The following LPIN1 variants were observed in gnomAD, a reference collection of about 807,000 sequenced individuals.
LPIN1 encodes lipin 1, also known as phosphatidate phosphatase LPIN1.
Under a neutral mutation model 107.5 loss-of-function variants are expected in LPIN1, and 71 were observed. That is an observed-to-expected ratio of 0.66 (90% CI 0.55 to 0.80). LPIN1 has a LOEUF of 0.80. Ranked by LOEUF, LPIN1 falls within the 30% of genes least tolerant of loss-of-function variation. The pLI, the probability that LPIN1 is intolerant of heterozygous loss-of-function variation, is 0.00. For missense variants in LPIN1, 1,043 were observed against 1,160.6 expected (o/e 0.90, Z 1.47); for synonymous variants, 445 against 452.6 (o/e 0.98, Z 0.21).
intron 1 of LPIN1, among the ~76,000 whole-genome samples, chr2:11,753,389 G>C (rs777181175): frequency 3.3e-5 from 5 of 152,196 alleles, no homozygotes; most frequent in South Asian, 2.1e-4. Context: ...CACGAACCCT[G>C]GCATGCCAAG....
At chr2:11,734,878 C>CA (rs987250314) in intron 1 of LPIN1, among the ~76,000 whole-genome samples, 8 of 151,920 alleles carry the variant, frequency 5.3e-5, no homozygotes, top group African/African-American at 1.9e-4. Context: ...AGAGAGAATG[C>CA]AAAAAAATTT....
chr2:11,767,945 AGTAATACCGGCCGTGGCTGT>A, intron 3 of LPIN1, 87 bp downstream of exon 3: 1 of 874,204 alleles, frequency 1.1e-6, no homozygotes, highest in South Asian at 1.3e-5. Context: ...GTTTGTGCAA[AGTAATACCGGCCGTGGCTGT>A]GTGGACGATG....
At chr2:11,815,058 C>T in intron 17 of LPIN1, 30 bp from the exon 18 acceptor site, 1 of 1,610,352 alleles carries the variant, frequency 6.2e-7, no homozygotes, top group African/African-American at 1.3e-5. Context: ...TTTCTGATGC[C>T]ATGAAATGTG....
Position 11,707,708 on chromosome 2 carries a change from G to A in LPIN1, c.82-6048G>A, listed in dbSNP as rs544423478. Among the ~76,000 whole-genome samples the A allele has an allele frequency of 3.3e-5, 5 of 152,274 alleles. No homozygotes were observed. The highest frequency in any genetic ancestry group is 1.2e-4 in the African/African-American group (5 of 41,562). The stretch of plus-strand genomic sequence containing the variant: ...GAGCTGCAGGATTTGCTTGTGACTG[G>A]ATGTGGCTTGGGAGGGGAGAAAGGG... On this transcript the variant is annotated intron_variant, in intron 1 of 21. Transcript: ENST00000449576. The surrounding 1 kb of genome is among the most constrained non-coding windows in gnomAD (Gnocchi z 4.2).
chr2:11,798,543 T>C (rs1677127905), intron 14 of LPIN1, among the ~76,000 whole-genome samples: 1 of 152,186 alleles, frequency 6.6e-6, no homozygotes. Flanking sequence ...GATACAATCA[T>C]ATTCAAATGG....
intron 2 of LPIN1, among the ~76,000 whole-genome samples, chr2:11,714,626 C>A (rs1156428177): frequency 6.6e-6 from 1 of 152,168 alleles, no homozygotes; most frequent in East Asian, 1.9e-4. Context: ...CAGATCTTAC[C>A]CCTGAGATGC....
chr2:11,713,510 A>G (rs1424319027), intron 1 of LPIN1, among the ~76,000 whole-genome samples: 2 of 152,182 alleles, frequency 1.3e-5, no homozygotes, highest in African/African-American at 2.4e-5. Flanking sequence ...ACCTCAGGTG[A>G]TCTGCCTGCT....
At chr2:11,776,004 A>G in intron 5 of LPIN1, 82 bp from the exon 6 acceptor site, 1 of 554,336 alleles carries the variant, frequency 1.8e-6, no homozygotes, top group Non-Finnish European at 3.3e-6. Flanking sequence ...AGTATATTAC[A>G]TATACTTTAT....
chr2:11,708,960 T>C (rs1663268465), intron 1 of LPIN1, among the ~76,000 whole-genome samples: 1 of 152,146 alleles, frequency 6.6e-6, no homozygotes, highest in Non-Finnish European at 1.5e-5. Context: ...GTTCCCCTTT[T>C]ATAGAGGGGA....
intron 1 of LPIN1, among the ~76,000 whole-genome samples, chr2:11,735,491 C>G (rs1003645594): frequency 3.9e-5 from 6 of 152,174 alleles, no homozygotes; most frequent in African/African-American, 1.4e-4. Context: ...TTGACAATAA[C>G]TCTCCTAAGT....
upstream of LPIN1, among the ~76,000 whole-genome samples, chr2:11,743,854 T>C (rs4669778): frequency 0.53 from 80,354 of 151,988 alleles, 22,765 homozygotes; most frequent in African/African-American, 0.74. This position sits in a 1 kb window ranked among gnomAD's most constrained non-coding sequence, Gnocchi z 4.7. Flanking sequence ...TGGGCCTGTG[T>C]AGGTGGTTGA....
chr2:11,747,637 A>G (rs1359883743), intron 1 of LPIN1, among the ~76,000 whole-genome samples: 1 of 152,072 alleles, frequency 6.6e-6, no homozygotes, highest in Non-Finnish European at 1.5e-5. Flanking sequence ...TGTGAGATTG[A>G]CTGTTTATCC....
intron 1 of LPIN1, among the ~76,000 whole-genome samples, chr2:11,733,501 T>TCTCTCTC (rs1665475034): frequency 1.4e-5 from 2 of 145,290 alleles, no homozygotes; most frequent in African/African-American, 5.1e-5. Context: ...CTCTCTCTCT[T>TCTCTCTC]TTTTTTTTTT....
At position 11,786,002 on chromosome 2, in the gene LPIN1, C is replaced by T. The variant is rs1341379253; in HGVS notation, c.1549+926C>T. Among the ~76,000 whole-genome samples the T allele has an allele frequency of 2.6e-5, 4 of 152,140 alleles. No homozygotes were observed. Among genetic ancestry groups the T allele is most frequent in the Non-Finnish European group, 5.9e-5 (4 of 68,034 alleles). On this transcript the variant is annotated intron_variant, in intron 10 of 20. Transcript: ENST00000674199. The surrounding 1 kb of genome is among the most constrained non-coding windows in gnomAD (Gnocchi z 4.1). The stretch of plus-strand genomic sequence containing the variant: ...CTGTGTTTCTGAAGTCATGGGGGCT[C>T]TCTGGACACTGGCGTGAGGAGTCCC...
chr2:11,705,954 G>T (rs1663105039), intron 1 of LPIN1, among the ~76,000 whole-genome samples: 1 of 152,088 alleles, frequency 6.6e-6, no homozygotes, highest in African/African-American at 2.4e-5. Flanking sequence ...ATGGGGGCAG[G>T]TCTTTCCTGC....
intron 8 of LPIN1, among the ~76,000 whole-genome samples, chr2:11,782,893 T>A (rs1352759497): frequency 6.6e-6 from 1 of 152,228 alleles, no homozygotes; most frequent in African/African-American, 2.4e-5. Context: ...CACTGTAATT[T>A]CTGCATATCA....
chr2:11,688,629 G>C, intron 1 of LPIN1, among the ~76,000 whole-genome samples: 1 of 152,246 alleles, frequency 6.6e-6, no homozygotes, highest in East Asian at 1.9e-4. Context: ...ACCCGGGACA[G>C]GACGCACCGG....
chr2:11,770,570 T>C (rs1671676978), intron 3 of LPIN1, among the ~76,000 whole-genome samples: 1 of 152,216 alleles, frequency 6.6e-6, no homozygotes, highest in Non-Finnish European at 1.5e-5. Flanking sequence ...AGACATTCTA[T>C]TTCAGCATGT....
At position 11,812,610 on chromosome 2, in the gene LPIN1, G is replaced by A. The variant is rs182870788; in HGVS notation, c.2250-2478G>A. On this transcript the variant is annotated intron_variant, in intron 17 of 20. Transcript: ENST00000674199. The stretch of plus-strand genomic sequence containing the variant: ...GAGCGTGGCGAGTTGGAGGAAGGAT[G>A]GGAACACCTGTGTGGTTTGCCAGGA... Among the ~76,000 whole-genome samples the A allele has an allele frequency of 2.0e-5, 3 of 152,282 alleles. No individual in the cohort carries two copies. The East Asian group carries it at 5.8e-4, about 29-fold the overall frequency.
Sources: gnomAD v4.1 joint callset for allele counts (sites outside exome capture counted in the v4.1 genomes callset) on GRCh38, gnomAD v4.1.1 for gene constraint, Gnocchi (gnomAD v3.1) non-coding constraint, MANE v1.5 for transcripts, NCBI Gene and HGNC (gene_info 2026-07-23, HGNC 2026-07-21) for gene names.